RABL6: variants seen among roughly 807,000 people sequenced by gnomAD.
The protein encoded by RABL6 is rab-like protein 6.
RABL6 carries 28 observed loss-of-function variants against 72.9 expected under a neutral mutation model. The ratio of observed to expected loss-of-function variants is 0.38; its 90% confidence interval spans 0.28 to 0.53. The LOEUF (loss-of-function observed/expected upper bound fraction) is 0.53, where lower values mean the gene tolerates loss of function less well. Among genes scored for constraint, RABL6 ranks in the 20% least tolerant of loss-of-function variants. The pLI is 0.80. For synonymous variants in RABL6, 477 were observed against 421.2 expected, an observed-to-expected ratio of 1.13 and a Z score of -1.62; for missense variants, 1,029 against 1,008.4, an observed-to-expected ratio of 1.02 and a Z score of -0.28.
chr9:136,823,248 A>G (rs1278299654), intron 1 of RABL6, among the ~76,000 whole-genome samples: 1 of 143,264 alleles, frequency 7.0e-6, no homozygotes, highest in East Asian at 1.9e-4. Context: ...ACGTCCTCCA[A>G]GTAGAAAGCC....
chr9:136,823,369 G>A (rs997507758), intron 1 of RABL6, among the ~76,000 whole-genome samples, 156 bp from the exon 2 acceptor site: 2 of 152,212 alleles, frequency 1.3e-5, no homozygotes, highest in Admixed American at 1.3e-4. Flanking sequence ...CCCACCCATC[G>A]TCTTCCTCCC....
At position 136,839,749 on chromosome 9, in the gene RABL6, C is replaced by G; in HGVS notation, c.1814C>G (p.Pro605Arg). 1 of 1,611,260 alleles carries G rather than the reference C, an allele frequency of 6.2e-7. No homozygotes were observed. The highest frequency in any genetic ancestry group is 8.5e-7 in the Non-Finnish European group (1 of 1,178,882). Residue 605 changes from proline (P) to arginine (R), a missense_variant, in exon 13 of 15, where the codon CCT becomes CGT. Pro to Arg is a moderately radical substitution (Grantham distance 103). This residue lies in a region of RABL6 where 595 missense variants were observed against 472.4 expected (regional missense o/e 1.26). Transcript: ENST00000311502. Reference protein sequence around the residue: ...PSDVTDEDEGPAEPPPPPKLP... With the variant: ...PSDVTDEDEGRAEPPPPPKLP... ...GATGTGACTGACGAGGATGAGGGCC[C>G]TGCCGAGCCGCCCCCACCCCCCAAG...
At position 136,829,467 on chromosome 9, in the gene RABL6, C is replaced by T. The variant is rs200215294; in HGVS notation, c.441C>T (p.Phe147=). 72 of 1,584,542 alleles carry T rather than the reference C, an allele frequency of 4.5e-5. No individual in the cohort carries two copies. Among genetic ancestry groups the T allele is most frequent in the African/African-American group, 4.0e-4 (30 of 74,398 alleles). ...ACTGCAACGGGGTGGTCATGATGTTCGACATTACCAAGCAGTGGTAAGAGG... is the reference window on the plus strand; with the variant it reads ...ACTGCAACGGGGTGGTCATGATGTTTGACATTACCAAGCAGTGGTAAGAGG... ...YKNCNGVVMM[F]DITKQWTFNY... is the part of the protein sequence containing the mutation. Residue 147 remains phenylalanine (F), a synonymous_variant, in exon 5 of 15, where the codon TTC becomes TTT. Coordinates refer to ENST00000311502, the MANE Select transcript of RABL6 (RefSeq NM_024718.5).
At chr9:136,832,587 C>T (rs1351437411) in intron 7 of RABL6, 2 of 624,142 alleles carry the variant, frequency 3.2e-6, no homozygotes. Flanking sequence ...CCAGGAGCCC[C>T]TCCACCTCTG....
At chr9:136,815,401 C>A in intron 1 of RABL6, 1 of 281,612 alleles carries the variant, frequency 3.6e-6, no homozygotes. Context: ...TGAGGTGTGA[C>A]AGTCTCTTCT....
chr9:136,808,204 C>A lies in RABL6; in HGVS notation c.8C>A (p.Ser3Tyr). The A allele has an allele frequency of 2.0e-6, 3 of 1,536,816 alleles. No homozygotes were observed. Among genetic ancestry groups the A allele is most frequent in the South Asian group, 1.2e-5 (1 of 83,100 alleles). Residue 3 changes from serine to tyrosine, a missense_variant, in exon 1 of 15, where the codon TCC becomes TAC. By Grantham distance (144) the Ser-to-Tyr change is moderately radical. Around this residue, in one of 2 missense-constraint regions of RABL6, gnomAD observed 434 missense variants for 536.1 expected, o/e 0.81. Coordinates refer to ENST00000311502, the MANE Select transcript of RABL6 (RefSeq NM_024718.5). ...GGACGTCCGAGCGGGAAGATGTTTT[C>A]CGCCCTGAAGAAGCTGGTGGGGTCG... Reference protein sequence around the residue: MFSALKKLVGSDQ... With the variant: MFYALKKLVGSDQ...
In RABL6 at chr9:136,808,085, G is replaced by T; in HGVS notation, c.-112G>T. 8.4e-7 allele frequency: 1 copy of T among 1,190,362 alleles called. No homozygotes were observed. Among genetic ancestry groups the T allele is most frequent in the East Asian group, 4.3e-5 (1 of 23,518 alleles). The allele number at this position is 1,190,362 out of a possible 1,614,324, so 73.7% of individuals were successfully genotyped here. Reference sequence around the variant, plus strand: ...GGGACCCCGGCCTCTGGCCGCGCCGGCTCCGGCCTCCGGGGGGGCCGGGGC... The same window carrying T: ...GGGACCCCGGCCTCTGGCCGCGCCGTCTCCGGCCTCCGGGGGGGCCGGGGC... On this transcript the variant is annotated 5_prime_UTR_variant, in exon 1 of 15. Coordinates refer to ENST00000311502, the MANE Select transcript of RABL6 (RefSeq NM_024718.5).
rs143930241 is a variant in RABL6 at position 136,823,802 on chromosome 9, C to A, written c.265+143C>A. ...GACCCTGCTGACGTGGGGGCCCTGG[C>A]GTGAACTCTGGGGCTCTTTTGGGGT... On this transcript the variant is annotated intron_variant, in intron 2 of 14. Coordinates refer to ENST00000311502, the MANE Select transcript of RABL6 (RefSeq NM_024718.5). 20 of 1,138,580 alleles carry A rather than the reference C, an allele frequency of 1.8e-5. No individual in the cohort carries two copies. The South Asian group carries it at 3.6e-4, about 20-fold the overall frequency. The allele number at this position is 1,138,580 out of a possible 1,614,324, so 70.5% of individuals were successfully genotyped here.
intron 7 of RABL6, chr9:136,834,142 C>T (rs1848539966): frequency 7.7e-7 from 1 of 1,292,842 alleles, no homozygotes; most frequent in East Asian, 2.8e-5. Context: ...TTTGTCTTGC[C>T]CCTGGATTGC....
intron 2 of RABL6, among the ~76,000 whole-genome samples, chr9:136,825,170 G>T (rs1481467929): frequency 1.3e-5 from 2 of 152,260 alleles, no homozygotes; most frequent in African/African-American, 4.8e-5. Context: ...GGCCTCTCAG[G>T]TGGCTCCGAA....
chr9:136,827,899 GC>G (rs1243825047), intron 3 of RABL6: 1 of 152,716 alleles, frequency 6.5e-6, no homozygotes, highest in African/African-American at 2.4e-5. Context: ...GGGGACCACG[GC>G]CCCTCATTCT....
chr9:136,824,853 C>T (rs192398140), intron 2 of RABL6, among the ~76,000 whole-genome samples: 351 of 152,332 alleles, frequency 2.3e-3, no homozygotes, highest in Middle Eastern at 0.01. Flanking sequence ...CGCACAGAAG[C>T]TCTACCTGCC....
rs377011340 is a variant in RABL6, at chr9:136,826,298, G to T, written c.313+472G>T. Among the ~76,000 whole-genome samples, 1 of 152,112 alleles carries T rather than the reference G, an allele frequency of 6.6e-6. No homozygotes were observed. The highest frequency in any genetic ancestry group is 1.5e-5 in the Non-Finnish European group (1 of 68,004). On this transcript the variant is annotated intron_variant, in intron 3 of 14. Coordinates refer to ENST00000311502, the MANE Select transcript of RABL6 (RefSeq NM_024718.5). This position sits in a 1 kb window ranked among gnomAD's most constrained non-coding sequence, Gnocchi z 4.9. ...CAGCACCAGCCCCCGGGGTGTCCTCGACATCGTTGGTCTCCTCCTCAGCCA... is the reference window on the plus strand; with the variant it reads ...CAGCACCAGCCCCCGGGGTGTCCTCTACATCGTTGGTCTCCTCCTCAGCCA...
At chr9:136,837,769 C>T in intron 9 of RABL6, 93 bp from the exon 10 acceptor site, 2 of 1,541,024 alleles carry the variant, frequency 1.3e-6, no homozygotes, top group Admixed American at 3.9e-5. Flanking sequence ...TTGTCCCAGT[C>T]CCGTGGGCAC....
intron 1 of RABL6, among the ~76,000 whole-genome samples, chr9:136,811,303 G>C (rs1848006214): frequency 6.6e-6 from 1 of 152,124 alleles, no homozygotes; most frequent in African/African-American, 2.4e-5. Flanking sequence ...GGGGCTTCCA[G>C]GTCGGAGGTA....
Position 136,839,504 on chromosome 9 carries a change from G to A in RABL6, c.1758+18G>A, listed in dbSNP as rs377676667. 9.6e-5 allele frequency: 154 copies of A among 1,598,150 alleles called. No homozygotes were observed. Among genetic ancestry groups the A allele is most frequent in the East Asian group, 5.8e-4 (26 of 44,600 alleles). On this transcript the variant is annotated intron_variant, in intron 12 of 14. Transcript: ENST00000311502. ...GCAGGGCGGTAAGACGAGTCCTCCC[G>A]GGGCAGAGGTCAGCCAGGTGGCCAG...
At chr9:136,833,078 G>A (rs1364739619) in intron 7 of RABL6, 43 of 245,524 alleles carry the variant, frequency 1.8e-4, no homozygotes, top group Middle Eastern at 1.7e-3. Context: ...GAACCTCCTC[G>A]CCCTGGGCTG....
At chr9:136,808,865 A>G (rs537331231) in intron 1 of RABL6, 1 of 152,302 alleles carries the variant, frequency 6.6e-6, no homozygotes, top group East Asian at 1.9e-4. Flanking sequence ...AGCGTTTGTA[A>G]GAGACGTATC....
chr9:136,828,937 C>T (rs1401444306), intron 4 of RABL6, among the ~76,000 whole-genome samples: 1 of 152,196 alleles, frequency 6.6e-6, no homozygotes, highest in Non-Finnish European at 1.5e-5. Context: ...CCCGACACAC[C>T]CAGGGCCTCG....
Sources: allele counts gnomAD v4.1 joint callset (sites outside exome capture counted in the v4.1 genomes callset), GRCh38; gene constraint gnomAD v4.1.1; regional missense constraint gnomAD v4.1.1; non-coding constraint Gnocchi (gnomAD v3.1); transcripts MANE v1.5; gene names NCBI Gene and HGNC (gene_info 2026-07-23, HGNC 2026-07-21).